The following RIC3 variants were observed in gnomAD, a reference collection of about 807,000 sequenced individuals.
The protein encoded by RIC3 is protein RIC-3.
RIC3 carries 28 observed loss-of-function variants against 27.3 expected under a neutral mutation model. That is an observed-to-expected ratio of 1.02 (90% CI 0.76 to 1.41). RIC3 has a LOEUF of 1.41. Ranked by LOEUF, RIC3 falls within the 40% of genes most tolerant of loss-of-function variation. The pLI is 0.00. For missense variants in RIC3, 501 were observed against 444.7 expected, an observed-to-expected ratio of 1.13 and a Z score of -1.14; for synonymous variants, 184 against 160.4, an observed-to-expected ratio of 1.15 and a Z score of -1.11.
Position 8,125,478 on chromosome 11 carries a change from T to G in RIC3, c.670+1181A>C, listed in dbSNP as rs187370735. On this transcript the variant is annotated intron_variant, in intron 5 of 5. Transcript: ENST00000309737. ...CAACCCAATTTAAAAATTGGCAAAC[T>G]ACTTGAACAGACACTTCAAAGATAT... 6.4e-3 allele frequency among the ~76,000 whole-genome samples: 981 copies of G among 152,250 alleles called. 22 individuals are homozygous for G. Among genetic ancestry groups the G allele is most frequent in the Admixed American group, 0.051 (781 of 15,280 alleles).
At chr11:8,116,517 A>G (rs1039768987) in intron 5 of RIC3, among the ~76,000 whole-genome samples, 1 of 152,232 alleles carries the variant, frequency 6.6e-6, no homozygotes, top group Non-Finnish European at 1.5e-5. Flanking sequence ...TGCAAACCAT[A>G]TATTTGATAA....
intron 1 of RIC3, among the ~76,000 whole-genome samples, chr11:8,146,578 C>T (rs539175744): frequency 6.6e-6 from 1 of 152,242 alleles, no homozygotes; most frequent in Non-Finnish European, 1.5e-5. Flanking sequence ...TATAAGTGAC[C>T]ATGGCACATG....
At chr11:8,096,819 G>A in the RIC3 span, 1 of 1,613,976 alleles carries the variant, frequency 6.2e-7, no homozygotes, top group Non-Finnish European at 8.5e-7. Flanking sequence ...GAGTGAGTGA[G>A]TCTGCATCCA....
In RIC3 at chr11:8,141,861, G is replaced by T. The variant is rs546776904; in HGVS notation, c.125-1668C>A. On this transcript the variant is annotated intron_variant, in intron 1 of 5. Coordinates refer to ENST00000309737, the MANE Select transcript of RIC3 (RefSeq NM_001206671.4). ...ACAGTGCAATCAAACTAGAACTCAGGATTAAGAATCTCACTCAAAACCGCT... is the reference window on the plus strand; with the variant it reads ...ACAGTGCAATCAAACTAGAACTCAGTATTAAGAATCTCACTCAAAACCGCT... 3.4e-3 allele frequency among the ~76,000 whole-genome samples: 524 copies of T among 152,012 alleles called. 6 individuals are homozygous for T. The highest frequency in any genetic ancestry group is 6.4e-3 in the South Asian group (31 of 4,812).
At chr11:8,101,865 T>G, downstream of RIC3, 1 of 553,394 alleles carries the variant, frequency 1.8e-6, no homozygotes, top group Non-Finnish European at 3.1e-6. Flanking sequence ...TGCCACGAGA[T>G]CAACACACAC....
At chr11:8,114,393 T>A (rs1945614789) in intron 5 of RIC3, among the ~76,000 whole-genome samples, 1 of 151,914 alleles carries the variant, frequency 6.6e-6, no homozygotes, top group African/African-American at 2.4e-5. Context: ...TCACCTGAGG[T>A]TAGGAGTTCA....
intron 4 of RIC3, among the ~76,000 whole-genome samples, chr11:8,136,430 C>G (rs1200735747): frequency 6.6e-6 from 1 of 152,218 alleles, no homozygotes; most frequent in Admixed American, 6.5e-5. Context: ...GAAGACCTAG[C>G]TGAAACTGAA....
intron 5 of RIC3, among the ~76,000 whole-genome samples, chr11:8,123,501 G>A (rs749744923): frequency 1.2e-4 from 18 of 152,094 alleles, no homozygotes; most frequent in Non-Finnish European, 1.9e-4. Context: ...GCTTGATCAG[G>A]AAAAGAAACA....
intron 1 of RIC3, among the ~76,000 whole-genome samples, chr11:8,144,790 A>T (rs55732598): frequency 0.074 from 11,215 of 151,970 alleles, 471 homozygotes; most frequent in South Asian, 0.11. Context: ...CAAATGTCCA[A>T]CAATGATAGA....
chr11:8,112,995 A>G (rs545208261), intron 5 of RIC3, among the ~76,000 whole-genome samples: 2 of 152,328 alleles, frequency 1.3e-5, no homozygotes, highest in East Asian at 3.9e-4. Flanking sequence ...TTTCAATCCT[A>G]CCAGTGATAT....
intron 4 of RIC3, among the ~76,000 whole-genome samples, 198 bp downstream of exon 4, chr11:8,137,180 A>C (rs1338102850): frequency 2.0e-5 from 3 of 152,132 alleles, no homozygotes; most frequent in Non-Finnish European, 4.4e-5. Flanking sequence ...GTGCACCACC[A>C]CACCTGGCTA....
At chr11:8,161,050 G>A (rs1238336623) in intron 1 of RIC3, among the ~76,000 whole-genome samples, 1 of 152,154 alleles carries the variant, frequency 6.6e-6, no homozygotes, top group East Asian at 1.9e-4. Flanking sequence ...TATTTCAAGG[G>A]GAAAAGTGAG....
intron 4 of RIC3, chr11:8,127,017 A>G: frequency 1.7e-6 from 1 of 605,840 alleles, no homozygotes; most frequent in East Asian, 3.1e-5. Flanking sequence ...AAAGCCCAGA[A>G]TAGATCAAGT....
At chr11:8,114,173 CA>C (rs1945586875) in intron 5 of RIC3, among the ~76,000 whole-genome samples, 2 of 152,134 alleles carry the variant, frequency 1.3e-5, no homozygotes. Flanking sequence ...AGCCAGAATG[CA>C]AAAACCATTC....
intron 4 of RIC3, chr11:8,135,851 G>C (rs969147824): frequency 7.2e-5 from 11 of 152,112 alleles, no homozygotes; most frequent in African/African-American, 2.7e-4. Flanking sequence ...GCAGCTACAG[G>C]GTTAGGGCAG....
intron 1 of RIC3, among the ~76,000 whole-genome samples, chr11:8,140,491 AG>A (rs1181454593): frequency 1.3e-5 from 2 of 152,196 alleles, no homozygotes; most frequent in African/African-American, 4.8e-5. Flanking sequence ...GAATGTGACT[AG>A]GACTGTGCTA....
chr11:8,102,890 A>G (rs1325096205), downstream of RIC3: 1 of 133,946 alleles, frequency 7.5e-6, no homozygotes, highest in Non-Finnish European at 1.6e-5. Context: ...CTGTCCCCCA[A>G]GAAACTAGTA....
chr11:8,130,555 A>G (rs1381745425), intron 4 of RIC3, among the ~76,000 whole-genome samples: 1 of 152,166 alleles, frequency 6.6e-6, no homozygotes, highest in Non-Finnish European at 1.5e-5. Context: ...GAACCCTGAT[A>G]AAGCCTGTGA....
downstream of RIC3, chr11:8,104,065 T>C (rs529270789): frequency 1.3e-5 from 2 of 152,374 alleles, no homozygotes; most frequent in South Asian, 4.1e-4. Flanking sequence ...GTGATCCTGG[T>C]TTTCCTTGAC....
Sources: gnomAD v4.1 joint callset for allele counts (sites outside exome capture counted in the v4.1 genomes callset) on GRCh38, gnomAD v4.1.1 for gene constraint, MANE v1.5 for transcripts, NCBI Gene and HGNC (gene_info 2026-07-23, HGNC 2026-07-21) for gene names.